Variants in GRID2 observed in about 807,000 individuals in gnomAD.
The protein encoded by GRID2 is glutamate ionotropic receptor delta type subunit 2.
GRID2 carries 33 observed loss-of-function variants against 114.8 expected under a neutral mutation model. That is an observed-to-expected ratio of 0.29 (90% CI 0.22 to 0.38). The LOEUF is 0.38. Ranked by LOEUF, GRID2 falls within the 10% of genes least tolerant of loss-of-function variation. The pLI, the probability that GRID2 is intolerant of heterozygous loss-of-function variation, is 1.00. For synonymous variants in GRID2, 505 were observed against 449.9 expected, an observed-to-expected ratio of 1.12 and a Z score of -1.55; for missense variants, 1,184 against 1,257.7, an observed-to-expected ratio of 0.94 and a Z score of 0.89.
At chr4:92,794,905 T>TATATATACACACACACACAC (rs745392261) in intron 2 of GRID2, among the ~76,000 whole-genome samples, 1 of 127,816 alleles carries the variant, frequency 7.8e-6, no homozygotes, top group African/African-American at 3.1e-5. Flanking sequence ...TATATATATA[T>TATATATACACACACACACAC]ACACACACAC....
chr4:92,929,131 T>C (rs1411146199), intron 2 of GRID2, among the ~76,000 whole-genome samples: 1 of 151,534 alleles, frequency 6.6e-6, no homozygotes, highest in African/African-American at 2.4e-5. Flanking sequence ...AGGCAAACTC[T>C]GTAAATCCTC....
chr4:93,049,650 A>G (rs1486942772), intron 2 of GRID2, among the ~76,000 whole-genome samples: 1 of 151,964 alleles, frequency 6.6e-6, no homozygotes, highest in Non-Finnish European at 1.5e-5. Flanking sequence ...TTGGAAGTAT[A>G]TCAAGGGAAC....
intron 13 of GRID2, among the ~76,000 whole-genome samples, chr4:93,551,169 T>C (rs1328804543): frequency 6.6e-6 from 1 of 152,218 alleles, no homozygotes; most frequent in Non-Finnish European, 1.5e-5. Flanking sequence ...TTATTAGTAC[T>C]GTAGAGACCA....
At chr4:93,251,084 G>C (rs1748866385) in intron 8 of GRID2, among the ~76,000 whole-genome samples, 2 of 152,126 alleles carry the variant, frequency 1.3e-5, no homozygotes, top group South Asian at 4.1e-4. Flanking sequence ...TTCACAATAT[G>C]TGAAACTCTG....
At chr4:93,650,352 GTTATT>G (rs769686822) in intron 14 of GRID2, among the ~76,000 whole-genome samples, 2 of 151,744 alleles carry the variant, frequency 1.3e-5, no homozygotes, top group African/African-American at 2.4e-5. Context: ...GGAATTATAT[GTTATT>G]TTATTTATGA....
At position 92,422,326 on chromosome 4, in the gene GRID2, G is replaced by A. The variant is rs1474565351; in HGVS notation, c.88+117582G>A. Among the ~76,000 whole-genome samples, 3 of 152,128 alleles carry A rather than the reference G, an allele frequency of 2.0e-5. No homozygotes were observed. In the East Asian group the frequency reaches 5.8e-4, roughly 29 times the overall value. On this transcript the variant is annotated intron_variant, in intron 1 of 15. Transcript: ENST00000282020. The stretch of plus-strand genomic sequence containing the variant: ...GGATTCGTTCAAAGAGAACATTATA[G>A]GCATGAAATGAGTTTGGACAGTGTA...
chr4:93,171,355 T>A (rs1186045908), intron 4 of GRID2, among the ~76,000 whole-genome samples: 1 of 152,182 alleles, frequency 6.6e-6, no homozygotes, highest in Non-Finnish European at 1.5e-5. Context: ...CAACTCTTTG[T>A]TTAAACATTG....
chr4:92,722,378 A>G (rs1735851321), intron 2 of GRID2, among the ~76,000 whole-genome samples: 1 of 152,106 alleles, frequency 6.6e-6, no homozygotes, highest in Non-Finnish European at 1.5e-5. Context: ...GCCTTACCTC[A>G]TGTTCTTTCT....
At chr4:93,684,775 C>G (rs1725924767) in intron 14 of GRID2, among the ~76,000 whole-genome samples, 2 of 151,944 alleles carry the variant, frequency 1.3e-5, no homozygotes, top group South Asian at 2.1e-4. Context: ...AGGGTTCTTG[C>G]TAAACTGACT....
At chr4:93,168,423 A>G (rs960155313) in intron 4 of GRID2, among the ~76,000 whole-genome samples, 7 of 152,186 alleles carry the variant, frequency 4.6e-5, no homozygotes, top group Non-Finnish European at 4.4e-5. Context: ...TTACTTCAAG[A>G]AAGCAGCTCA....
intron 2 of GRID2, among the ~76,000 whole-genome samples, chr4:92,693,690 C>T (rs1316842973): frequency 2.6e-5 from 4 of 152,074 alleles, no homozygotes; most frequent in Admixed American, 1.3e-4. Context: ...GATTTATAGC[C>T]GGGCCCTGCT....
intron 1 of GRID2, among the ~76,000 whole-genome samples, chr4:92,476,607 T>A (rs79175099): frequency 0.062 from 9,507 of 152,154 alleles, 388 homozygotes; most frequent in African/African-American, 0.12. Flanking sequence ...ATTAAAATAA[T>A]AAAATGTTTT....
chr4:92,837,239 G>T (rs1416641963), intron 2 of GRID2, among the ~76,000 whole-genome samples: 1 of 152,034 alleles, frequency 6.6e-6, no homozygotes, highest in East Asian at 1.9e-4. Context: ...ATGATCTGCT[G>T]AGTTTCAGTT....
intron 8 of GRID2, among the ~76,000 whole-genome samples, chr4:93,394,414 G>A (rs1210968696): frequency 6.6e-6 from 1 of 151,848 alleles, no homozygotes; most frequent in African/African-American, 2.4e-5. Context: ...GATATATTAT[G>A]TACATTTTCA....
At chr4:93,595,131 A>T (rs1213610317) in intron 13 of GRID2, among the ~76,000 whole-genome samples, 1 of 151,790 alleles carries the variant, frequency 6.6e-6, no homozygotes, top group Non-Finnish European at 1.5e-5. Context: ...AACAATGGTG[A>T]CCTCCAGGCC....
chr4:93,333,332 T>C (rs1371235635), intron 8 of GRID2, among the ~76,000 whole-genome samples: 2 of 152,196 alleles, frequency 1.3e-5, no homozygotes, highest in African/African-American at 2.4e-5. Flanking sequence ...GCTGCTGGTC[T>C]ATAGACTGCA....
intron 2 of GRID2, among the ~76,000 whole-genome samples, chr4:93,029,944 G>A (rs989422809): frequency 6.6e-6 from 1 of 152,128 alleles, no homozygotes; most frequent in South Asian, 2.1e-4. Flanking sequence ...ACTGCATGAG[G>A]GCTAACAGCT....
chr4:93,805,206 A>T (rs897672164), intron 1 of GRID2, among the ~76,000 whole-genome samples: 6 of 152,254 alleles, frequency 3.9e-5, no homozygotes, highest in Non-Finnish European at 8.8e-5. Context: ...GCTAATAAAC[A>T]TGACTCAAAA....
At chr4:93,039,514 A>G (rs1725284832) in intron 2 of GRID2, among the ~76,000 whole-genome samples, 1 of 152,086 alleles carries the variant, frequency 6.6e-6, no homozygotes, top group African/African-American at 2.4e-5. Context: ...ATGTATATAT[A>G]TTACATATCT....
Sources: allele counts gnomAD v4.1 joint callset (sites outside exome capture counted in the v4.1 genomes callset), GRCh38; gene constraint gnomAD v4.1.1; transcripts MANE v1.5; gene names NCBI Gene and HGNC (gene_info 2026-07-23, HGNC 2026-07-21).